Variants in ADAMTS9 observed in about 807,000 individuals in gnomAD.
The protein encoded by ADAMTS9 is A disintegrin and metalloproteinase with thrombospondin motifs 9.
ADAMTS9 carries 107 observed loss-of-function variants against 257.1 expected under a neutral mutation model. The ratio of observed to expected loss-of-function variants is 0.42; its 90% CI spans 0.36 to 0.49. The LOEUF (loss-of-function observed/expected upper bound fraction) is 0.49, where lower values mean the gene tolerates loss of function less well. Among genes scored for constraint, ADAMTS9 ranks in the 20% least tolerant of loss-of-function variants. ADAMTS9 has a pLI of 0.03. For synonymous variants in ADAMTS9, 982 were observed against 880.9 expected (o/e 1.11, Z -2.03); for missense variants, 2,353 against 2,469.1 (o/e 0.95, Z 1.00).
chr3:64,657,437 A>G (rs972850491), intron 4 of ADAMTS9, among the ~76,000 whole-genome samples: 4 of 152,094 alleles, frequency 2.6e-5, no homozygotes, highest in Non-Finnish European at 5.9e-5. Flanking sequence ...CCTGGGCTCA[A>G]GAGATTCTCT....
At chr3:64,612,500 G>A (rs376224334) in intron 22 of ADAMTS9, among the ~76,000 whole-genome samples, 5 of 152,202 alleles carry the variant, frequency 3.3e-5, no homozygotes, top group African/African-American at 1.2e-4. Context: ...GATAGAAATT[G>A]TAAGGGTGCC....
intron 37 of ADAMTS9, among the ~76,000 whole-genome samples, chr3:64,534,811 G>T (rs573482272): frequency 2.0e-5 from 3 of 152,076 alleles, no homozygotes; most frequent in Admixed American, 6.6e-5. Context: ...GTTGGCATCT[G>T]GCGGGTAGAG....
chr3:64,566,034 T>A (rs2083537724), intron 29 of ADAMTS9, among the ~76,000 whole-genome samples: 1 of 152,200 alleles, frequency 6.6e-6, no homozygotes, highest in Non-Finnish European at 1.5e-5. Flanking sequence ...GACCTTTCGA[T>A]GTGATGAGAA....
At chr3:64,601,567 A>C (rs1310330800) in intron 26 of ADAMTS9, among the ~76,000 whole-genome samples, 3 of 152,176 alleles carry the variant, frequency 2.0e-5, no homozygotes, top group Non-Finnish European at 4.4e-5. Context: ...TAGAGGGGAA[A>C]GTGACTTTCA....
chr3:64,596,804 T>G, intron 27 of ADAMTS9, 26 bp downstream of exon 27: 6 of 1,613,378 alleles, frequency 3.7e-6, no homozygotes, highest in Non-Finnish European at 5.1e-6. Context: ...TTCCTCTGTA[T>G]TTATAGACGG....
At chr3:64,559,987 C>A (rs181064966) in intron 30 of ADAMTS9, among the ~76,000 whole-genome samples, 1 of 152,120 alleles carries the variant, frequency 6.6e-6, no homozygotes, top group African/African-American at 2.4e-5. Flanking sequence ...AGGGGGAGAG[C>A]GAGAGAGATG....
chr3:64,679,974 T>C (rs898593867), intron 3 of ADAMTS9, among the ~76,000 whole-genome samples: 1 of 152,218 alleles, frequency 6.6e-6, no homozygotes, highest in Non-Finnish European at 1.5e-5. Flanking sequence ...ACAGAATGCT[T>C]TAGTTATATT....
intron 16 of ADAMTS9, among the ~76,000 whole-genome samples, chr3:64,625,215 C>G (rs1418553855): frequency 6.6e-6 from 1 of 152,182 alleles, no homozygotes; most frequent in African/African-American, 2.4e-5. Flanking sequence ...GATTCACCAA[C>G]AGCATCATGT....
At chr3:64,549,659 C>A (rs2083245414) in intron 31 of ADAMTS9, among the ~76,000 whole-genome samples, 1 of 152,022 alleles carries the variant, frequency 6.6e-6, no homozygotes, top group Admixed American at 6.6e-5. Context: ...GACATTTGGG[C>A]CAGATAATTC....
At chr3:64,522,357 CA>C in intron 38 of ADAMTS9, 97 bp from the exon 39 acceptor site, 8 of 1,058,910 alleles carry the variant, frequency 7.6e-6, no homozygotes, top group Non-Finnish European at 1.2e-5. Flanking sequence ...ACACAGTAAA[CA>C]GGCCTTCTGA....
chr3:64,559,154 T>C (rs1329600152), intron 30 of ADAMTS9, among the ~76,000 whole-genome samples: 1 of 152,192 alleles, frequency 6.6e-6, no homozygotes, highest in Non-Finnish European at 1.5e-5. Flanking sequence ...ACAGGAGGCG[T>C]GGCCACCCTT....
At chr3:64,561,321 GT>G (rs34071104) in intron 30 of ADAMTS9, 3,442 of 206,432 alleles carry the variant, frequency 0.017, no homozygotes, top group Middle Eastern at 0.031. Flanking sequence ...GCCTGTTAAA[GT>G]TTTTTTTTTT....
rs919263216 is a variant in ADAMTS9 at position 64,535,479 on chromosome 3, C to T, written c.5614-2209G>A. Among the ~76,000 whole-genome samples, 3 of 151,882 alleles carry T rather than the reference C, an allele frequency of 2.0e-5. No homozygotes were observed. The East Asian group carries it at 5.8e-4, about 29-fold the overall frequency. On this transcript the variant is annotated intron_variant, in intron 37 of 39. Transcript: ENST00000498707. ...GCTCAGGTGTTTTTGATTGTAGCTG[C>T]ACTGAAGCCCCCTCAGACACCGGAT...
chr3:64,617,847 G>A (rs1270330673), intron 19 of ADAMTS9, among the ~76,000 whole-genome samples: 1 of 152,150 alleles, frequency 6.6e-6, no homozygotes, highest in African/African-American at 2.4e-5. Context: ...CAAAATGAGT[G>A]ATCCACAACC....
chr3:64,549,280 C>T (rs1445923244), intron 31 of ADAMTS9, among the ~76,000 whole-genome samples: 2 of 152,068 alleles, frequency 1.3e-5, no homozygotes, highest in African/African-American at 4.8e-5. Flanking sequence ...CAATCTTCTC[C>T]CTGTTTCATC....
At chr3:64,546,722 G>A in intron 32 of ADAMTS9, 36 bp downstream of exon 32, 1 of 1,548,304 alleles carries the variant, frequency 6.5e-7, no homozygotes, top group South Asian at 1.3e-5. Context: ...TGAGATCCAA[G>A]GGCTTTCAGA....
chr3:64,679,386 C>T (rs1202141632), intron 3 of ADAMTS9, among the ~76,000 whole-genome samples: 2 of 152,092 alleles, frequency 1.3e-5, no homozygotes, highest in African/African-American at 4.8e-5. Context: ...AGATCTTGGG[C>T]AAACTACTTC....
intron 3 of ADAMTS9, among the ~76,000 whole-genome samples, chr3:64,679,166 T>C (rs533750548): frequency 3.3e-5 from 5 of 152,340 alleles, no homozygotes; most frequent in South Asian, 4.1e-4. Context: ...GATTTGACAA[T>C]GACATTTCCT....
intron 31 of ADAMTS9, 27 bp from the exon 32 acceptor site, chr3:64,546,979 G>C (rs750058817): frequency 2.5e-6 from 4 of 1,584,894 alleles, no homozygotes; most frequent in Non-Finnish European, 3.4e-6. Flanking sequence ...TGAGAGGAGA[G>C]GTTCGAGCAG....
Sources: allele counts gnomAD v4.1 joint callset (sites outside exome capture counted in the v4.1 genomes callset), GRCh38; gene constraint gnomAD v4.1.1; transcripts MANE v1.5; gene names NCBI Gene and HGNC (gene_info 2026-07-23, HGNC 2026-07-21).